Variants in MRTO4 observed in about 807,000 individuals in gnomAD.
The protein encoded by MRTO4 is MRT4 homolog, ribosome maturation factor.
A neutral mutation model predicts 28.6 loss-of-function variants in MRTO4; 7 were observed. The observed-to-expected ratio is 0.24, with a 90% CI of 0.14 to 0.46. The LOEUF (loss-of-function observed/expected upper bound fraction) is 0.46, where lower values mean the gene tolerates loss of function less well. Ranked by LOEUF, MRTO4 falls within the 20% of genes least tolerant of loss-of-function variation. The probability of loss-of-function intolerance (pLI) is 0.99; values close to 1 mark genes in which losing one functional copy is unlikely to be tolerated. For synonymous variants in MRTO4, 113 were observed against 108.2 expected (o/e 1.04, Z -0.27); for missense variants, 302 against 298.3 (o/e 1.01, Z -0.09).
chr1:19,256,151 G>A, intron 3 of MRTO4, 100 bp downstream of exon 3: 2 of 969,592 alleles, frequency 2.1e-6, no homozygotes, highest in South Asian at 1.4e-5. Flanking sequence ...AGGTGCCTGG[G>A]TCATGCCGCT....
chr1:19,258,933 G>T lies in MRTO4; in HGVS notation c.*103G>T. The T allele has an allele frequency of 1.5e-6, 2 of 1,360,372 alleles. No homozygotes were observed. The highest frequency in any genetic ancestry group is 2.0e-6 in the Non-Finnish European group (2 of 1,017,614). 84.3% of individuals were successfully genotyped at this position (1,360,372 alleles called of 1,614,324 possible). A position where few individuals can be genotyped will look rare whatever the true frequency, so the allele number is the denominator to read the frequency against. The stretch of plus-strand genomic sequence containing the variant: ...GAGAGCAGCTTTTTATTTGTCTGTA[G>T]ACAGGGAACATGATGGGCACTGACC... On this transcript the variant is annotated 3_prime_UTR_variant, in exon 8 of 8. Coordinates refer to ENST00000330263, the MANE Select transcript of MRTO4 (RefSeq NM_016183.4).
intron 3 of MRTO4, 66 bp from the exon 4 acceptor site, chr1:19,256,998 A>C: frequency 2.0e-6 from 3 of 1,515,814 alleles, no homozygotes; most frequent in Non-Finnish European, 2.7e-6. Flanking sequence ...GCTACTTTGC[A>C]TGTTGCTGAG....
Position 19,255,577 on chromosome 1 carries a change from G to A in MRTO4, c.88-371G>A, listed in dbSNP as rs115520570. ...TCATGGTGGCTTTGGCCAGCACCAC[G>A]TGCAGAGCAGTACCGATCAGCTGCC... On this transcript the variant is annotated intron_variant, in intron 2 of 7. Coordinates refer to ENST00000330263, the MANE Select transcript of MRTO4 (RefSeq NM_016183.4). Among the ~76,000 whole-genome samples the A allele has an allele frequency of 7.3e-3, 1,116 of 152,296 alleles. 11 individuals carry two copies. The highest frequency in any genetic ancestry group is 0.025 in the African/African-American group (1,033 of 41,554).
rs1366520614 is a variant in MRTO4, at chr1:19,259,385, G to A, written c.*555G>A. On this transcript the variant is annotated 3_prime_UTR_variant, in exon 8 of 8. Coordinates refer to ENST00000330263, the MANE Select transcript of MRTO4 (RefSeq NM_016183.4). ...TGGTGAGCCCAGAAGTTTGAAACCA[G>A]CCTGGGCAATTCAGCAAGATCCCGT... 3 of 152,184 alleles carry A rather than the reference G, an allele frequency of 2.0e-5. No individual in the cohort carries two copies. The highest frequency in any genetic ancestry group is 4.4e-5 in the Non-Finnish European group (3 of 68,116). 9.4% of individuals were successfully genotyped at this position (152,184 alleles called of 1,614,324 possible).
Position 19,257,473 on chromosome 1 carries a change from G to A in MRTO4, c.293G>A (p.Gly98Asp), listed in dbSNP as rs761353023. 13 of 1,614,126 alleles carry A rather than the reference G, an allele frequency of 8.1e-6. No individual in the cohort carries two copies. The highest frequency in any genetic ancestry group is 1.1e-5 in the Non-Finnish European group (13 of 1,180,040). The change falls in exon 5 of 8, where the codon GGT becomes GAT. Residue 98 changes from glycine to aspartate, a missense_variant. Coordinates refer to ENST00000330263, the MANE Select transcript of MRTO4 (RefSeq NM_016183.4). ...NLHQVSKRLR[G>D]EVGLLFTNRT... ...TTGTAGGTCAGCAAAAGGTTGAGGG[G>A]TGAGGTGGGTCTCCTGTTCACCAAC...
chr1:19,254,666 T>C, intron 1 of MRTO4, 116 bp from the exon 2 acceptor site: 1 of 896,362 alleles, frequency 1.1e-6, no homozygotes, highest in African/African-American at 1.7e-5. Context: ...CCTTGCTGCC[T>C]TTTTTCAGAA....
In MRTO4 at chr1:19,257,535, A is replaced by T; in HGVS notation, c.341+14A>T. 8 of 1,614,046 alleles carry T rather than the reference A, an allele frequency of 5.0e-6. No individual in the cohort carries two copies. The highest frequency in any genetic ancestry group is 6.8e-6 in the Non-Finnish European group (8 of 1,179,938). On this transcript the variant is annotated intron_variant, in intron 5 of 7. Coordinates refer to ENST00000330263, the MANE Select transcript of MRTO4 (RefSeq NM_016183.4). ...GGAGGTGAATGAGTAAGTACTGCTG[A>T]GGAACGGAGGGAAAGAGGCGGGTGA... is the stretch of plus-strand genomic sequence containing the variant.
intron 1 of MRTO4, 122 bp downstream of exon 1, chr1:19,251,985 C>T: frequency 5.2e-6 from 7 of 1,338,968 alleles, no homozygotes; most frequent in Non-Finnish European, 7.1e-6. Flanking sequence ...CGAGGTGTTC[C>T]GCTGCCTCGC....
Position 19,257,459 on chromosome 1 carries a change from C to G in MRTO4, c.279C>G (p.Ser93Arg), listed in dbSNP as rs760184427. The G allele has an allele frequency of 1.9e-6, 3 of 1,614,212 alleles. No individual in the cohort carries two copies. Among genetic ancestry groups the G allele is most frequent in the East Asian group, 4.5e-5 (2 of 44,894 alleles). ...DEYKDNLHQV[S>R]KRLRGEVGLL... The stretch of plus-strand genomic sequence containing the variant: ...TCCTCACTCCTGATTTGTAGGTCAG[C>G]AAAAGGTTGAGGGGTGAGGTGGGTC... The change falls in exon 5 of 8, where the codon AGC becomes AGG. Residue 93 changes from serine (S) to arginine (R), a missense_variant. Physicochemically the swap from Ser to Arg is moderately radical, Grantham distance 110 (BLOSUM62 -1). Coordinates refer to ENST00000330263, the MANE Select transcript of MRTO4 (RefSeq NM_016183.4).
chr1:19,254,926 G>A, intron 2 of MRTO4, 86 bp downstream of exon 2: 2 of 1,210,832 alleles, frequency 1.7e-6, no homozygotes, highest in Non-Finnish European at 2.3e-6. Context: ...AGGACTGTTG[G>A]CCAGGGGAAC....
Position 19,259,264 on chromosome 1 carries a change from CAA to C in MRTO4, c.*446_*447del, listed in dbSNP as rs112771552. 4,263 of 134,982 alleles carry C rather than the reference CAA, an allele frequency of 0.032. 71 individuals carry two copies. The highest frequency in any genetic ancestry group is 0.059 in the South Asian group (249 of 4,220). The allele number at this position is 134,982 out of a possible 1,614,324, so 8.4% of individuals were successfully genotyped here. ...TGGGCAACAGAGTAAAACTCTGTCCCAAAAAAAAAAAAAGAATACAACCTTGC... is the reference window on the plus strand; with the variant it reads ...TGGGCAACAGAGTAAAACTCTGTCCCAAAAAAAAAAAGAATACAACCTTGC... On this transcript the variant is annotated 3_prime_UTR_variant, in exon 8 of 8. Transcript: ENST00000330263.
intron 5 of MRTO4, 50 bp downstream of exon 5, chr1:19,257,571 C>T: frequency 6.2e-7 from 1 of 1,602,614 alleles, no homozygotes; most frequent in South Asian, 1.1e-5. Flanking sequence ...GAGGGGATTT[C>T]AGGGAGGGAA....
chr1:19,256,810 A>T (rs1016525037), intron 3 of MRTO4, among the ~76,000 whole-genome samples: 11 of 152,184 alleles, frequency 7.2e-5, no homozygotes, highest in Admixed American at 1.3e-4. Context: ...GCATACATCC[A>T]GATAGAGAAC....
intron 6 of MRTO4, 134 bp downstream of exon 6, chr1:19,258,118 G>A (rs2093674389): frequency 3.3e-6 from 4 of 1,216,544 alleles, no homozygotes; most frequent in Non-Finnish European, 3.4e-6. Flanking sequence ...GGCTAAGAGT[G>A]CATGCCTCAC....
Position 19,257,949 on chromosome 1 carries a change from T to G in MRTO4, c.458T>G (p.Leu153Arg). The change falls in exon 6 of 8, where the codon CTC (leucine) becomes CGC (arginine). Residue 153 changes from leucine (L) to arginine (R), a missense_variant. By Grantham distance (102) the Leu-to-Arg change is moderately radical. Transcript: ENST00000330263. Reference protein sequence around the residue: ...EQFPHSMEPQLRQLGLPTALK... With the variant: ...EQFPHSMEPQRRQLGLPTALK... The stretch of plus-strand genomic sequence containing the variant: ...TTCCCCCACTCCATGGAGCCACAGC[T>G]CAGGCAGCTGGGCCTGCCCACCGCC... 6.2e-7 allele frequency: 1 copy of G among 1,613,964 alleles called. No homozygotes were observed. Among genetic ancestry groups the G allele is most frequent in the South Asian group, 1.1e-5 (1 of 91,090 alleles).
Position 19,254,336 on chromosome 1 carries a change from G to A in MRTO4, c.29-446G>A, listed in dbSNP as rs141213461. ...TGCCTGAGCCTAGGAGCTCAAAGTT[G>A]CAGTGAGCCCAGATCGTGCCATTGC... On this transcript the variant is annotated intron_variant, in intron 1 of 7. Transcript: ENST00000330263. 3.5e-3 allele frequency among the ~76,000 whole-genome samples: 534 copies of A among 152,178 alleles called. 4 individuals are homozygous for A. The highest frequency in any genetic ancestry group is 0.012 in the African/African-American group (515 of 41,512).
At position 19,257,434 on chromosome 1, in the gene MRTO4, T is replaced by A. The variant is rs2093673116; in HGVS notation, c.274-20T>A. On this transcript the variant is annotated intron_variant, in intron 4 of 7. Coordinates refer to ENST00000330263, the MANE Select transcript of MRTO4 (RefSeq NM_016183.4). The stretch of plus-strand genomic sequence containing the variant: ...CCACTGCTCTAATGTGACCAAGCTG[T>A]CCTCACTCCTGATTTGTAGGTCAGC... 1 of 1,613,882 alleles carries A rather than the reference T, an allele frequency of 6.2e-7. No individual in the cohort carries two copies. Among genetic ancestry groups the A allele is most frequent in the Non-Finnish European group, 8.5e-7 (1 of 1,179,858 alleles).
chr1:19,252,187 G>A, intron 1 of MRTO4: 1 of 412,926 alleles, frequency 2.4e-6, no homozygotes, highest in Non-Finnish European at 4.4e-6. Context: ...TCCCAACTTC[G>A]GCCCTTTCTC....
chr1:19,252,526 CT>C (rs2093663579), intron 1 of MRTO4, among the ~76,000 whole-genome samples: 2 of 152,142 alleles, frequency 1.3e-5, no homozygotes, highest in African/African-American at 4.8e-5. Flanking sequence ...GGTGAAACCC[CT>C]TTTCTACTAA....
Sources: allele counts gnomAD v4.1 joint callset (sites outside exome capture counted in the v4.1 genomes callset), GRCh38; gene constraint gnomAD v4.1.1; transcripts MANE v1.5; gene names NCBI Gene and HGNC (gene_info 2026-07-23, HGNC 2026-07-21).